The following WDFY4 variants were observed in gnomAD, a reference collection of about 807,000 sequenced individuals.
WDFY4 encodes WDFY family member 4, also known as WD repeat- and FYVE domain-containing protein 4.
WDFY4 carries 169 observed loss-of-function variants against 351.9 expected under a neutral mutation model. The observed-to-expected ratio is 0.48, with a 90% CI of 0.42 to 0.55. The LOEUF is 0.55. WDFY4 is among the 20% of genes least tolerant of loss of function. The probability of loss-of-function intolerance (pLI) is 0.00; values close to 1 mark genes in which losing one functional copy is unlikely to be tolerated. For missense variants in WDFY4, 3,803 were observed against 3,935.6 expected (o/e 0.97, Z 0.90); for synonymous variants, 1,622 against 1,574.6 (o/e 1.03, Z -0.71).
Position 48,844,094 on chromosome 10 carries a change from C to T in WDFY4, c.6663+11385C>T, listed in dbSNP as rs540414701. On this transcript the variant is annotated intron_variant, in intron 39 of 61. Transcript: ENST00000325239. ...TGCCGCCTGCTGCATGAGTTACAGCCGCCTTCTCGCCCTGGGACCCATCTA... is the reference window on the plus strand; with the variant it reads ...TGCCGCCTGCTGCATGAGTTACAGCTGCCTTCTCGCCCTGGGACCCATCTA... Among the ~76,000 whole-genome samples the T allele has an allele frequency of 3.9e-5, 6 of 152,332 alleles. No homozygotes were observed. In the South Asian group the frequency reaches 6.2e-4, roughly 16 times the overall value.
chr10:48,852,568 C>A (rs2068992685), intron 39 of WDFY4, among the ~76,000 whole-genome samples: 1 of 152,208 alleles, frequency 6.6e-6, no homozygotes, highest in African/African-American at 2.4e-5. Flanking sequence ...GCATTCACCA[C>A]TCTGTTCAAG....
At chr10:48,918,894 CAAA>C (rs1838792949) in intron 47 of WDFY4, among the ~76,000 whole-genome samples, 1 of 152,158 alleles carries the variant, frequency 6.6e-6, no homozygotes, top group African/African-American at 2.4e-5. Flanking sequence ...TTGACATTGC[CAAA>C]TGTCCACTGA....
At chr10:48,922,498 G>A (rs1254186382) in intron 47 of WDFY4, among the ~76,000 whole-genome samples, 1 of 152,236 alleles carries the variant, frequency 6.6e-6, no homozygotes, top group Non-Finnish European at 1.5e-5. Flanking sequence ...TCTTCTATCT[G>A]TGAAGTTGAG....
chr10:48,715,252 G>A (rs1321825663), intron 2 of WDFY4, among the ~76,000 whole-genome samples: 1 of 152,204 alleles, frequency 6.6e-6, no homozygotes, highest in Non-Finnish European at 1.5e-5. Context: ...TCCCTGCTGA[G>A]CCCTGCCCAC....
At chr10:48,733,655 CAAG>C (rs1320240572) in intron 9 of WDFY4, among the ~76,000 whole-genome samples, 1 of 152,148 alleles carries the variant, frequency 6.6e-6, no homozygotes, top group African/African-American at 2.4e-5. Flanking sequence ...GAACCCCATC[CAAG>C]AACTACTACC....
intron 47 of WDFY4, among the ~76,000 whole-genome samples, chr10:48,936,179 A>G (rs1449655838): frequency 2.0e-5 from 3 of 152,140 alleles, no homozygotes; most frequent in Non-Finnish European, 4.4e-5. Context: ...AAGCAAAATA[A>G]AATGACTTCA....
intron 11 of WDFY4, among the ~76,000 whole-genome samples, chr10:48,741,346 A>G (rs1430707739): frequency 6.6e-6 from 1 of 151,024 alleles, no homozygotes; most frequent in Non-Finnish European, 1.5e-5. Context: ...CTGGATACTC[A>G]GGAAGCTGAG....
intron 39 of WDFY4, 54 bp from the exon 40 acceptor site, chr10:48,867,211 T>TAAAATAAAAC (rs1476137651): frequency 1.3e-6 from 1 of 779,174 alleles, no homozygotes; most frequent in Non-Finnish European, 1.8e-6. Flanking sequence ...TAAAATAAAA[T>TAAAATAAAAC]AAAATAAAAT....
chr10:48,720,122 G>A lies in WDFY4; in HGVS notation c.346G>A (p.Ala116Thr), dbSNP rs1332468940. 3.2e-6 allele frequency: 5 copies of A among 1,551,600 alleles called. No individual in the cohort carries two copies. The highest frequency in any genetic ancestry group is 4.4e-6 in the Non-Finnish European group (5 of 1,146,898). ...QLQKALVGKPAEQARLAAGQL... is the reference protein window; with the variant it reads ...QLQKALVGKPTEQARLAAGQL... ...CCAGAAGGCCCTTGTGGGGAAGCCT[G>A]CGGGTAAGAGCATGGAGGTGCTGGC... Residue 116 changes from alanine to threonine, a missense_variant, in exon 3 of 62, where the codon GCG (alanine) becomes ACG (threonine). Coordinates refer to ENST00000325239, the MANE Select transcript of WDFY4 (RefSeq NM_001394531.1).
chr10:48,715,276 G>C (rs986769204), intron 2 of WDFY4, among the ~76,000 whole-genome samples: 2 of 147,740 alleles, frequency 1.4e-5, no homozygotes, highest in Admixed American at 1.3e-4. Flanking sequence ...GCAGATCCAT[G>C]AGCAAAATAA....
intron 47 of WDFY4, among the ~76,000 whole-genome samples, chr10:48,902,930 T>C (rs1837431817): frequency 1.3e-5 from 2 of 152,084 alleles, no homozygotes; most frequent in African/African-American, 4.8e-5. Flanking sequence ...GCCAACATGG[T>C]GAAACCCTGT....
intron 24 of WDFY4, among the ~76,000 whole-genome samples, chr10:48,802,473 A>G (rs745730863): frequency 9.9e-5 from 15 of 152,248 alleles, no homozygotes; most frequent in Non-Finnish European, 2.1e-4. Flanking sequence ...TTTTGCTGCT[A>G]TATGAGTGCA....
At chr10:48,762,007 G>T (rs1166891605) in intron 13 of WDFY4, among the ~76,000 whole-genome samples, 1 of 152,224 alleles carries the variant, frequency 6.6e-6, no homozygotes, top group Non-Finnish European at 1.5e-5. Context: ...AGGACTCCTG[G>T]TCTTCCCTAT....
intron 44 of WDFY4, among the ~76,000 whole-genome samples, chr10:48,893,391 C>T (rs1186837627): frequency 6.6e-6 from 1 of 152,144 alleles, no homozygotes. Flanking sequence ...TTGGGGGACA[C>T]GGTTCTACCC....
chr10:48,736,218 A>C (rs960992496), intron 11 of WDFY4, 148 bp downstream of exon 11: 2 of 870,276 alleles, frequency 2.3e-6, no homozygotes, highest in Admixed American at 4.1e-5. Context: ...AGGTGCTGTA[A>C]CAAATAAATC....
chr10:48,936,084 A>G lies in WDFY4; in HGVS notation c.7587-5722A>G, dbSNP rs146980167. Among the ~76,000 whole-genome samples, 149 of 152,336 alleles carry G rather than the reference A, an allele frequency of 9.8e-4. 1 individual carries two copies. In the East Asian group the frequency reaches 0.026, roughly 26 times the overall value. The stretch of plus-strand genomic sequence containing the variant: ...TTTCCACCTAGTCATAAATTAGAAA[A>G]TAAATTAACTAGCAAATAAGTGAAA... On this transcript the variant is annotated intron_variant, in intron 47 of 61. Transcript: ENST00000325239.
At chr10:48,969,278 C>T in intron 56 of WDFY4, 30 bp downstream of exon 56, 1 of 1,547,074 alleles carries the variant, frequency 6.5e-7, no homozygotes, top group Admixed American at 2.0e-5. Context: ...CAGGGGCAGC[C>T]TCAGGACCTC....
At chr10:48,869,601 G>T (rs535174721) in intron 40 of WDFY4, among the ~76,000 whole-genome samples, 2 of 151,318 alleles carry the variant, frequency 1.3e-5, no homozygotes, top group Non-Finnish European at 2.9e-5. Context: ...GTCTGGCCCT[G>T]TTCAGATTCC....
intron 37 of WDFY4, among the ~76,000 whole-genome samples, chr10:48,829,946 G>A (rs2133054277): frequency 6.6e-6 from 1 of 152,340 alleles, no homozygotes; most frequent in South Asian, 2.1e-4. Flanking sequence ...GTTGGACATG[G>A]TTTTGATTAC....
Sources: gnomAD v4.1 joint callset for allele counts (sites outside exome capture counted in the v4.1 genomes callset) on GRCh38, gnomAD v4.1.1 for gene constraint, MANE v1.5 for transcripts, NCBI Gene and HGNC (gene_info 2026-07-23, HGNC 2026-07-21) for gene names.